The following PDE4D variants were observed in gnomAD, a reference collection of about 807,000 sequenced individuals.
PDE4D encodes the protein phosphodiesterase 4D, also known as 3',5'-cyclic-AMP phosphodiesterase 4D.
A neutral mutation model predicts 87.4 loss-of-function variants in PDE4D; 24 were observed. The observed-to-expected ratio is 0.27, with a 90% CI of 0.20 to 0.39. The LOEUF (loss-of-function observed/expected upper bound fraction) is 0.39, where lower values mean the gene tolerates loss of function less well. Among genes scored for constraint, PDE4D ranks in the 10% least tolerant of loss-of-function variants. The pLI, the probability that PDE4D is intolerant of heterozygous loss-of-function variation, is 1.00. For missense variants in PDE4D, 714 were observed against 1,041.0 expected, an observed-to-expected ratio of 0.69 and a Z score of 4.32; for synonymous variants, 384 against 383.2, an observed-to-expected ratio of 1.00 and a Z score of -0.02.
intron 1 of PDE4D, among the ~76,000 whole-genome samples, chr5:59,433,842 G>A (rs1216833750): frequency 6.6e-6 from 1 of 152,102 alleles, no homozygotes; most frequent in East Asian, 1.9e-4. Flanking sequence ...ACGTTGCAAC[G>A]TTAATAATGC....
At chr5:60,178,957 A>G (rs562915058) in intron 2 of PDE4D, among the ~76,000 whole-genome samples, 1 of 152,258 alleles carries the variant, frequency 6.6e-6, no homozygotes, top group South Asian at 2.1e-4. Context: ...GTGAGGGCTT[A>G]ACAAATATCG....
At chr5:59,301,988 C>A (rs183983530) in intron 1 of PDE4D, among the ~76,000 whole-genome samples, 1 of 152,142 alleles carries the variant, frequency 6.6e-6, no homozygotes, top group Non-Finnish European at 1.5e-5. Flanking sequence ...GGCAAAATGG[C>A]GGAGTTTGGC....
At chr5:59,631,829 C>G (rs1404389240) in intron 1 of PDE4D, among the ~76,000 whole-genome samples, 1 of 138,122 alleles carries the variant, frequency 7.2e-6, no homozygotes, top group African/African-American at 2.7e-5. Flanking sequence ...GCTGTTTGGG[C>G]AGGCATTGAG....
At chr5:60,496,512 A>C (rs1447475144) in intron 1 of PDE4D, among the ~76,000 whole-genome samples, 1 of 152,214 alleles carries the variant, frequency 6.6e-6, no homozygotes, top group Non-Finnish European at 1.5e-5. Flanking sequence ...GTTATTCAAA[A>C]GCCCACTTAG....
At chr5:60,340,623 AAAAC>A (rs1245182549) in intron 1 of PDE4D, among the ~76,000 whole-genome samples, 1 of 146,434 alleles carries the variant, frequency 6.8e-6, no homozygotes, top group Admixed American at 6.9e-5. Context: ...AAAAAAAAAA[AAAAC>A]CACAAGTACT....
intron 1 of PDE4D, among the ~76,000 whole-genome samples, chr5:59,487,971 T>G (rs1805445856): frequency 6.6e-6 from 1 of 152,128 alleles, no homozygotes. Context: ...CCTTCCCCTC[T>G]GCACATCAGA....
At chr5:59,786,454 C>T (rs1201447907) in intron 1 of PDE4D, among the ~76,000 whole-genome samples, 3 of 152,208 alleles carry the variant, frequency 2.0e-5, no homozygotes, top group African/African-American at 2.4e-5. Context: ...AACAGGGCTG[C>T]TCTACATCAC....
chr5:60,415,054 A>G (rs1050032618), intron 1 of PDE4D, among the ~76,000 whole-genome samples: 6 of 152,250 alleles, frequency 3.9e-5, no homozygotes, highest in African/African-American at 1.4e-4. Context: ...GTTGCACTCA[A>G]CCTGGGTGAG....
chr5:58,990,789 A>C lies in PDE4D; in HGVS notation c.1287+15T>G. 7.4e-7 allele frequency: 1 copy of C among 1,353,542 alleles called. No homozygotes were observed. Among genetic ancestry groups the C allele is most frequent in the Non-Finnish European group, 1.0e-6 (1 of 957,378 alleles). The allele number at this position is 1,353,542 out of a possible 1,614,324, so 83.8% of individuals were successfully genotyped here. On this transcript the variant is annotated intron_variant, in intron 9 of 14. Coordinates refer to ENST00000340635, the MANE Select transcript of PDE4D (RefSeq NM_001104631.2). ...TCCTAAATAAAATAAATGTAATAGA[A>C]CTCAACCACCTTACCTGAAAAATGG...
intron 3 of PDE4D, among the ~76,000 whole-genome samples, chr5:59,914,866 G>GGGGTGTGT (rs1342565323): frequency 3.4e-4 from 42 of 122,622 alleles, no homozygotes; most frequent in Non-Finnish European, 5.5e-4. Flanking sequence ...TACTGATAGG[G>GGGGTGTGT]GTGTGTGTGT....
intron 1 of PDE4D, among the ~76,000 whole-genome samples, chr5:59,380,173 C>T (rs1785485631): frequency 6.6e-6 from 1 of 151,916 alleles, no homozygotes; most frequent in African/African-American, 2.4e-5. Flanking sequence ...TTATTATATG[C>T]ATAAATCATA....
At chr5:59,773,905 C>A (rs1015337396) in intron 1 of PDE4D, among the ~76,000 whole-genome samples, 1 of 152,010 alleles carries the variant, frequency 6.6e-6, no homozygotes, top group Admixed American at 6.6e-5. Flanking sequence ...AAACTCCCAA[C>A]AAAGAAAATA....
chr5:60,412,232 T>G (rs1313888023), intron 1 of PDE4D, among the ~76,000 whole-genome samples: 1 of 152,102 alleles, frequency 6.6e-6, no homozygotes, highest in Non-Finnish European at 1.5e-5. Context: ...GTAGATCAAC[T>G]AAAACACAAA....
At chr5:59,269,248 G>A (rs1430622558) in intron 1 of PDE4D, among the ~76,000 whole-genome samples, 1 of 152,084 alleles carries the variant, frequency 6.6e-6, no homozygotes, top group Non-Finnish European at 1.5e-5. Flanking sequence ...TACCAATTCA[G>A]CATTTCTTTA....
intron 1 of PDE4D, among the ~76,000 whole-genome samples, chr5:59,488,083 C>T (rs561889167): frequency 1.3e-5 from 2 of 151,188 alleles, no homozygotes; most frequent in South Asian, 2.1e-4. Context: ...TAGGTGCTCC[C>T]TAGTTCCCTC....
At chr5:59,729,341 C>T (rs1468337870) in intron 1 of PDE4D, among the ~76,000 whole-genome samples, 2 of 152,056 alleles carry the variant, frequency 1.3e-5, no homozygotes, top group African/African-American at 2.4e-5. Flanking sequence ...ACCAGACCAA[C>T]AGAAAGTTTC....
intron 5 of PDE4D, among the ~76,000 whole-genome samples, chr5:59,162,083 A>T (rs1781194928): frequency 6.6e-6 from 1 of 152,244 alleles, no homozygotes; most frequent in South Asian, 2.1e-4. Flanking sequence ...CAATACTTTG[A>T]ACTTTTACAG....
intron 2 of PDE4D, among the ~76,000 whole-genome samples, chr5:60,003,879 T>C (rs1055058339): frequency 4.3e-4 from 65 of 152,144 alleles, no homozygotes; most frequent in African/African-American, 1.5e-3. Context: ...AAACCCTGCA[T>C]ATATAATCAG....
At chr5:59,163,214 G>C (rs1264659431) in intron 5 of PDE4D, among the ~76,000 whole-genome samples, 1 of 150,732 alleles carries the variant, frequency 6.6e-6, no homozygotes, top group Admixed American at 6.6e-5. Flanking sequence ...CCAAAGTGCT[G>C]TGGGATTACA....
Sources: allele counts gnomAD v4.1 joint callset (sites outside exome capture counted in the v4.1 genomes callset), GRCh38; gene constraint gnomAD v4.1.1; transcripts MANE v1.5; gene names NCBI Gene and HGNC (gene_info 2026-07-23, HGNC 2026-07-21).